COL28A1: variants seen among roughly 807,000 people sequenced by gnomAD.
COL28A1 encodes the protein collagen alpha-1(XXVIII) chain.
A neutral mutation model predicts 150.2 loss-of-function variants in COL28A1; 161 were observed. The ratio of observed to expected loss-of-function variants is 1.07; its 90% CI spans 0.94 to 1.22. The LOEUF is 1.22. COL28A1 is among the 50% of genes most tolerant of loss of function. The pLI, the probability that COL28A1 is intolerant of heterozygous loss-of-function variation, is 0.00. For missense variants in COL28A1, 1,617 were observed against 1,388.3 expected (o/e 1.16, Z -2.62); for synonymous variants, 552 against 469.7 (o/e 1.18, Z -2.26).
intron 3 of COL28A1, among the ~76,000 whole-genome samples, chr7:7,529,130 T>C (rs1276663752): frequency 6.6e-6 from 1 of 151,230 alleles, no homozygotes; most frequent in Admixed American, 6.6e-5. Context: ...TACTCAAAAA[T>C]ACAAAAAAAT....
chr7:7,534,990 G>A (rs796407364), intron 1 of COL28A1, among the ~76,000 whole-genome samples: 10 of 152,016 alleles, frequency 6.6e-5, no homozygotes, highest in African/African-American at 2.4e-4. Flanking sequence ...TTATTAATTT[G>A]GCATCTTGAG....
chr7:7,520,374 C>T (rs1781652284), intron 5 of COL28A1, among the ~76,000 whole-genome samples: 1 of 152,214 alleles, frequency 6.6e-6, no homozygotes, highest in South Asian at 2.1e-4. Context: ...AAAACAATCA[C>T]TTCTCAGCAG....
intron 12 of COL28A1, among the ~76,000 whole-genome samples, chr7:7,489,899 CT>C: frequency 8.1e-6 from 1 of 124,192 alleles, no homozygotes; most frequent in Non-Finnish European, 1.9e-5. Context: ...TTCTCCATAA[CT>C]CTGCCAGCAT....
chr7:7,526,039 C>G (rs1310970463), intron 3 of COL28A1, among the ~76,000 whole-genome samples: 1 of 152,168 alleles, frequency 6.6e-6, no homozygotes, highest in Non-Finnish European at 1.5e-5. Flanking sequence ...CTAGGAGGTC[C>G]TATGGAGAAA....
chr7:7,380,861 C>T lies in COL28A1; in HGVS notation c.2207G>A (p.Gly736Glu). The change falls in exon 29 of 35, where the codon GGA (glycine) becomes GAA (glutamate). Residue 736 changes from glycine to glutamate, a missense_variant and splice_region_variant. Transcript: ENST00000399429. ...CACATCGCCCCGTTCTCCGTGCTCT[C>T]CCTTTACACAATAGGGTAAAATGAT... ...TMGHGLPGQKGEHGERGDVGK... is the reference protein window; with the variant it reads ...TMGHGLPGQKEEHGERGDVGK... 1 of 1,611,902 alleles carries T rather than the reference C, an allele frequency of 6.2e-7. No individual in the cohort carries two copies. Among genetic ancestry groups the T allele is most frequent in the South Asian group, 1.1e-5 (1 of 91,036 alleles).
At chr7:7,372,272 G>A (rs1278361573) in intron 32 of COL28A1, among the ~76,000 whole-genome samples, 4 of 151,630 alleles carry the variant, frequency 2.6e-5, no homozygotes, top group African/African-American at 9.7e-5. Context: ...GGTGGCGCGT[G>A]CCTGTAGTCC....
At chr7:7,452,505 T>C (rs1041466289) in intron 17 of COL28A1, 118 bp from the exon 18 acceptor site, 3 of 1,383,058 alleles carry the variant, frequency 2.2e-6, no homozygotes, top group Non-Finnish European at 2.8e-6. Flanking sequence ...TCAATTCATA[T>C]ATATTGCCTG....
In COL28A1 at chr7:7,432,498, C is replaced by T. The variant is rs374114085; in HGVS notation, c.1973G>A (p.Arg658His). 34 of 1,614,010 alleles carry T rather than the reference C, an allele frequency of 2.1e-5. No homozygotes were observed. Among genetic ancestry groups the T allele is most frequent in the Admixed American group, 1.7e-4 (10 of 59,980 alleles). ...CTTTGCTCCAGTGTCTCCCACTCCA[C>T]GTAAACCCATCGGCCCAGGGGGTCC... ...LPGPPGPMGL[R>H]GVGDTGAKGE... Residue 658 changes from arginine (R) to histidine (H), a missense_variant, in exon 25 of 35, where the codon CGT (arginine) becomes CAT (histidine). By Grantham distance (29) the Arg-to-His change is conservative (BLOSUM62 0). Coordinates refer to ENST00000399429, the MANE Select transcript of COL28A1 (RefSeq NM_001037763.3).
intron 27 of COL28A1, among the ~76,000 whole-genome samples, chr7:7,400,100 C>G (rs1461956977): frequency 6.6e-6 from 1 of 152,146 alleles, no homozygotes; most frequent in Non-Finnish European, 1.5e-5. Flanking sequence ...AAGAATGGAC[C>G]CAGAAGCAGT....
chr7:7,482,036 CA>C (rs1304939630), intron 13 of COL28A1, among the ~76,000 whole-genome samples: 1 of 152,028 alleles, frequency 6.6e-6, no homozygotes. Flanking sequence ...GATGACAGTT[CA>C]AAAGTAGGTC....
intron 9 of COL28A1, among the ~76,000 whole-genome samples, chr7:7,508,778 A>G (rs776908282): frequency 9.5e-4 from 143 of 151,234 alleles, no homozygotes; most frequent in Non-Finnish European, 1.7e-3. Context: ...CAATCCTCCC[A>G]CCTCAGCCTC....
intron 27 of COL28A1, among the ~76,000 whole-genome samples, chr7:7,387,362 T>C (rs1186776202): frequency 6.6e-6 from 1 of 152,100 alleles, no homozygotes; most frequent in East Asian, 1.9e-4. Context: ...TACTAAAGAA[T>C]AAAACAATAC....
intron 25 of COL28A1, among the ~76,000 whole-genome samples, chr7:7,429,010 T>G (rs774126079): frequency 4.6e-5 from 7 of 152,164 alleles, no homozygotes; most frequent in Admixed American, 6.5e-5. Flanking sequence ...AGCTTTGAGT[T>G]TAATGTCTGT....
intron 11 of COL28A1, among the ~76,000 whole-genome samples, chr7:7,496,663 T>C (rs1780225237): frequency 6.6e-6 from 1 of 152,202 alleles, no homozygotes; most frequent in South Asian, 2.1e-4. Flanking sequence ...AGCAAATCCT[T>C]CATTTCTCTA....
intron 27 of COL28A1, among the ~76,000 whole-genome samples, chr7:7,412,855 A>G (rs920533672): frequency 3.5e-4 from 54 of 152,120 alleles, no homozygotes; most frequent in African/African-American, 1.3e-3. Context: ...TTTAAAGATT[A>G]GTAAGCTGAG....
chr7:7,486,038 A>G (rs865898240), intron 13 of COL28A1, among the ~76,000 whole-genome samples: 3 of 152,148 alleles, frequency 2.0e-5, no homozygotes, highest in African/African-American at 7.2e-5. Flanking sequence ...TTTTACATCA[A>G]TTTGGGAAGA....
intron 19 of COL28A1, 22 bp from the exon 20 acceptor site, chr7:7,443,675 T>G (rs761036361): frequency 3.1e-6 from 5 of 1,613,782 alleles, no homozygotes; most frequent in Non-Finnish European, 4.2e-6. Flanking sequence ...GACACTGATG[T>G]GTTAGCTGAC....
chr7:7,360,090 C>T (rs185299928), intron 34 of COL28A1, among the ~76,000 whole-genome samples: 13 of 152,194 alleles, frequency 8.5e-5, no homozygotes, highest in South Asian at 8.3e-4. Flanking sequence ...GTACGGACTA[C>T]GGTAAACAGG....
chr7:7,456,969 G>T (rs2128334994), intron 15 of COL28A1, among the ~76,000 whole-genome samples: 1 of 152,342 alleles, frequency 6.6e-6, no homozygotes, highest in South Asian at 2.1e-4. Context: ...AAACCCAGAA[G>T]AAAAGCATTC....
Sources: allele counts gnomAD v4.1 joint callset (sites outside exome capture counted in the v4.1 genomes callset), GRCh38; gene constraint gnomAD v4.1.1; transcripts MANE v1.5; gene names NCBI Gene and HGNC (gene_info 2026-07-23, HGNC 2026-07-21).